TRAPPC9: variants seen among roughly 807,000 people sequenced by gnomAD.
The protein encoded by TRAPPC9 is IKK2 binding protein.
A neutral mutation model predicts 124.0 loss-of-function variants in TRAPPC9; 83 were observed. The ratio of observed to expected loss-of-function variants is 0.67; its 90% CI spans 0.56 to 0.80. The LOEUF (loss-of-function observed/expected upper bound fraction) is 0.80. Ranked by LOEUF, TRAPPC9 falls within the 30% of genes least tolerant of loss-of-function variation. The pLI is 0.00. For missense variants in TRAPPC9, 1,302 were observed against 1,508.3 expected (o/e 0.86, Z 2.27); for synonymous variants, 638 against 617.5 (o/e 1.03, Z -0.49).
intron 21 of TRAPPC9, among the ~76,000 whole-genome samples, chr8:139,773,939 C>T (rs1250865329): frequency 2.0e-5 from 3 of 152,238 alleles, no homozygotes; most frequent in African/African-American, 7.2e-5. Context: ...AACATCCAAA[C>T]ATCATCTCCC....
intron 11 of TRAPPC9, among the ~76,000 whole-genome samples, chr8:140,297,005 C>T (rs963126070): frequency 2.6e-5 from 4 of 152,228 alleles, no homozygotes; most frequent in Middle Eastern, 3.2e-3. Flanking sequence ...CCCATCCCCA[C>T]GGAGCTCGGA....
At chr8:139,974,360 C>T (rs1336838850) in intron 19 of TRAPPC9, among the ~76,000 whole-genome samples, 1 of 152,192 alleles carries the variant, frequency 6.6e-6, no homozygotes, top group Admixed American at 6.5e-5. Context: ...CGCCATGTGA[C>T]GGGTTCTTCC....
intron 21 of TRAPPC9, among the ~76,000 whole-genome samples, chr8:139,818,799 C>T (rs986589284): frequency 1.3e-4 from 20 of 152,302 alleles, no homozygotes; most frequent in African/African-American, 4.3e-4. Context: ...CTTGCTCCTC[C>T]GTCGCCTGGC....
chr8:140,376,253 C>T (rs1372200803), intron 7 of TRAPPC9, among the ~76,000 whole-genome samples: 2 of 152,080 alleles, frequency 1.3e-5, no homozygotes, highest in Non-Finnish European at 2.9e-5. Context: ...GAGATAGGTC[C>T]ATAAAGAATC....
At chr8:139,926,643 T>C (rs1263365076) in intron 19 of TRAPPC9, among the ~76,000 whole-genome samples, 10 of 147,878 alleles carry the variant, frequency 6.8e-5, no homozygotes, top group African/African-American at 2.2e-4. Flanking sequence ...AGCTTGAACC[T>C]GGGAGGCGGA....
At chr8:140,172,505 A>G (rs1268453148) in intron 17 of TRAPPC9, among the ~76,000 whole-genome samples, 2 of 149,400 alleles carry the variant, frequency 1.3e-5, no homozygotes, top group Non-Finnish European at 3.0e-5. Context: ...CTACCTCTGG[A>G]CAATGGAGGG....
rs116890890 is a variant in TRAPPC9 at position 140,155,618 on chromosome 8, A to C, written c.2556+65841T>G. On this transcript the variant is annotated intron_variant, in intron 17 of 22. Coordinates refer to ENST00000438773, the MANE Select transcript of TRAPPC9 (RefSeq NM_001160372.4). ...CTCTAAGAAATCTCTTTAATAAATT[A>C]AAAGGACAATCTCGTTTGTTTTAAT... Among the ~76,000 whole-genome samples the C allele has an allele frequency of 2.2e-3, 332 of 152,340 alleles. 3 individuals carry two copies. Among genetic ancestry groups the C allele is most frequent in the South Asian group, 0.01 (49 of 4,830 alleles).
At chr8:140,209,075 C>A (rs1032412436) in intron 17 of TRAPPC9, among the ~76,000 whole-genome samples, 2 of 152,180 alleles carry the variant, frequency 1.3e-5, no homozygotes, top group African/African-American at 4.8e-5. Flanking sequence ...TTGCTCAGCA[C>A]AGCAAACCAT....
At chr8:139,804,343 A>G (rs1398574401) in intron 21 of TRAPPC9, among the ~76,000 whole-genome samples, 50 of 117,496 alleles carry the variant, frequency 4.3e-4, no homozygotes, top group African/African-American at 1.6e-3. Context: ...CACCACCACC[A>G]CCGCCACCAA....
At chr8:139,921,523 A>G (rs1832500244) in intron 19 of TRAPPC9, among the ~76,000 whole-genome samples, 1 of 152,152 alleles carries the variant, frequency 6.6e-6, no homozygotes, top group Admixed American at 6.5e-5. Context: ...ATGCAGTATC[A>G]GGCACTGATC....
chr8:139,949,485 A>C (rs1310357307), intron 19 of TRAPPC9, among the ~76,000 whole-genome samples: 1 of 152,254 alleles, frequency 6.6e-6, no homozygotes, highest in Non-Finnish European at 1.5e-5. Flanking sequence ...CAAAAGGGGC[A>C]GCAACGTAAG....
At chr8:139,920,327 T>C (rs1283725834) in intron 19 of TRAPPC9, among the ~76,000 whole-genome samples, 1 of 152,198 alleles carries the variant, frequency 6.6e-6, no homozygotes, top group Non-Finnish European at 1.5e-5. Context: ...GCCTGAGTGA[T>C]AGAGTGAAAG....
intron 19 of TRAPPC9, among the ~76,000 whole-genome samples, chr8:139,944,220 G>C (rs1834076854): frequency 6.6e-6 from 1 of 152,168 alleles, no homozygotes; most frequent in South Asian, 2.1e-4. Flanking sequence ...AGAAATGCTA[G>C]AAGAAAATTC....
Position 139,984,554 on chromosome 8 carries a change from GAC to G in TRAPPC9, c.2810+4170_2810+4171del, listed in dbSNP as rs1401649592. Among the ~76,000 whole-genome samples the G allele has an allele frequency of 3.3e-5, 5 of 152,176 alleles. No homozygotes were observed. Among genetic ancestry groups the G allele is most frequent in the African/African-American group, 1.2e-4 (5 of 41,442 alleles). On this transcript the variant is annotated intron_variant, in intron 19 of 22. Transcript: ENST00000438773. This position sits in a 1 kb window ranked among gnomAD's most constrained non-coding sequence, Gnocchi z 4.3. ...CTCTGGGAAGGAACTGGATACTCAA[GAC>G]ACAAAGCCTGGAAGGACAGGGACCA...
At chr8:140,307,724 C>T (rs1300700113) in intron 10 of TRAPPC9, among the ~76,000 whole-genome samples, 2 of 152,180 alleles carry the variant, frequency 1.3e-5, no homozygotes, top group Non-Finnish European at 2.9e-5. Context: ...GAGACTGGGG[C>T]AGAAGCCTAC....
At chr8:140,325,698 T>C (rs1461048076) in intron 9 of TRAPPC9, among the ~76,000 whole-genome samples, 1 of 152,178 alleles carries the variant, frequency 6.6e-6, no homozygotes, top group Non-Finnish European at 1.5e-5. Flanking sequence ...AGAAATAATA[T>C]CAATCTCATA....
intron 15 of TRAPPC9, among the ~76,000 whole-genome samples, chr8:140,253,383 A>T (rs1283031515): frequency 6.6e-6 from 1 of 152,150 alleles, no homozygotes; most frequent in African/African-American, 2.4e-5. Flanking sequence ...GAGAATAAAA[A>T]ATCAAAACCC....
chr8:139,897,527 C>T (rs920015096), intron 20 of TRAPPC9, among the ~76,000 whole-genome samples: 8 of 152,194 alleles, frequency 5.3e-5, no homozygotes, highest in Non-Finnish European at 8.8e-5. Context: ...CCCCAGTCAC[C>T]GCCACATGGT....
intron 17 of TRAPPC9, among the ~76,000 whole-genome samples, chr8:140,157,248 TCC>T (rs2061666855): frequency 6.1e-5 from 1 of 16,282 alleles, no homozygotes; most frequent in African/African-American, 2.7e-4. Context: ...TTCAAAAGCC[TCC>T]CTTTTCCATT....
Sources: allele counts gnomAD v4.1 joint callset (sites outside exome capture counted in the v4.1 genomes callset), GRCh38; gene constraint gnomAD v4.1.1; non-coding constraint Gnocchi (gnomAD v3.1); transcripts MANE v1.5; gene names NCBI Gene and HGNC (gene_info 2026-07-23, HGNC 2026-07-21).